TTC6: variants seen among roughly 807,000 people sequenced by gnomAD.
TTC6 encodes the protein tetratricopeptide repeat domain 6.
In TTC6, 172 loss-of-function variants were observed where a neutral mutation model predicts 210.4. The observed-to-expected ratio is 0.82, with a 90% CI of 0.72 to 0.93. TTC6 has a LOEUF of 0.93. TTC6 is among the 40% of genes least tolerant of loss of function. The pLI is 0.00. For synonymous variants in TTC6, 804 were observed against 819.6 expected (o/e 0.98, Z 0.32); for missense variants, 2,414 against 2,318.1 (o/e 1.04, Z -0.85).
chr14:37,722,824 T>C (rs867683602), intron 6 of TTC6, among the ~76,000 whole-genome samples: 109 of 152,286 alleles, frequency 7.2e-4, no homozygotes, highest in African/African-American at 2.5e-3. Context: ...TGTCTTTTTT[T>C]CCCCTTTCCA....
At chr14:37,682,707 A>T in intron 2 of TTC6, 51 bp from the exon 5 acceptor site, 8 of 1,471,448 alleles carry the variant, frequency 5.4e-6, no homozygotes, top group Non-Finnish European at 7.3e-6. Context: ...TGAAAAGCCT[A>T]GAAGGACCAA....
intron 21 of TTC6, among the ~76,000 whole-genome samples, chr14:37,805,703 T>G (rs1566965466): frequency 6.6e-6 from 1 of 152,034 alleles, no homozygotes; most frequent in African/African-American, 2.4e-5. Flanking sequence ...TTTTGTTTGT[T>G]TGTTTGTTTG....
intron 2 of TTC6, among the ~76,000 whole-genome samples, chr14:37,608,635 T>C (rs916128255): frequency 5.3e-5 from 8 of 152,186 alleles, no homozygotes; most frequent in African/African-American, 1.9e-4. Context: ...TCAAAATCTT[T>C]CATCCAATTG....
chr14:37,625,572 G>A (rs1334471129), intron 1 of TTC6, among the ~76,000 whole-genome samples: 1 of 151,206 alleles, frequency 6.6e-6, no homozygotes, highest in African/African-American at 2.4e-5. Flanking sequence ...AAGAATGTAA[G>A]TATGCAAGTA....
intron 3 of TTC6, among the ~76,000 whole-genome samples, chr14:37,687,573 C>T (rs1773436609): frequency 6.6e-6 from 1 of 152,146 alleles, no homozygotes; most frequent in African/African-American, 2.4e-5. Flanking sequence ...AAAGCGACTC[C>T]TTCCTTTTGC....
chr14:37,778,957 CTG>C (rs1358226352), intron 14 of TTC6, among the ~76,000 whole-genome samples: 2 of 152,180 alleles, frequency 1.3e-5, no homozygotes, highest in Admixed American at 1.3e-4. Flanking sequence ...GTATCCCTGA[CTG>C]TGCTTCATTG....
At chr14:37,706,267 T>C (rs1417985055) in intron 5 of TTC6, among the ~76,000 whole-genome samples, 1 of 152,070 alleles carries the variant, frequency 6.6e-6, no homozygotes, top group East Asian at 1.9e-4. Context: ...ACACAGTTGA[T>C]CACTTACTTT....
chr14:37,626,889 C>G (rs2095661338), intron 1 of TTC6, among the ~76,000 whole-genome samples: 1 of 152,170 alleles, frequency 6.6e-6, no homozygotes, highest in Non-Finnish European at 1.5e-5. Flanking sequence ...CCCCACCACT[C>G]AAGGCTGAAT....
chr14:37,604,087 C>T (rs1030538412), intron 1 of TTC6, among the ~76,000 whole-genome samples: 5 of 152,198 alleles, frequency 3.3e-5, no homozygotes, highest in Non-Finnish European at 7.3e-5. Context: ...CTGTGCTTTG[C>T]CTTCTAGATC....
At chr14:37,755,794 C>T (rs1413645473) in intron 14 of TTC6, among the ~76,000 whole-genome samples, 1 of 152,110 alleles carries the variant, frequency 6.6e-6, no homozygotes, top group Non-Finnish European at 1.5e-5. Context: ...TGTGATGCTT[C>T]CAGCTTTGTT....
chr14:37,734,137 T>G (rs1330221003), intron 7 of TTC6, among the ~76,000 whole-genome samples: 4 of 152,180 alleles, frequency 2.6e-5, no homozygotes, highest in African/African-American at 9.7e-5. Flanking sequence ...TGTTAGAAAC[T>G]GGGGTCTTTA....
intron 6 of TTC6, among the ~76,000 whole-genome samples, chr14:37,724,269 AG>A (rs2095867329): frequency 6.6e-6 from 1 of 152,016 alleles, no homozygotes; most frequent in Non-Finnish European, 1.5e-5. Flanking sequence ...CCAGTCCATG[AG>A]TTTATACTTT....
At chr14:37,823,721 G>A (rs373231399) in intron 26 of TTC6, 26 bp from the exon 29 acceptor site, 7 of 1,588,128 alleles carry the variant, frequency 4.4e-6, no homozygotes, top group African/African-American at 4.0e-5. Flanking sequence ...TCACCAGAAG[G>A]CATCAATATT....
At chr14:37,745,763 A>G (rs1199314944) in intron 10 of TTC6, among the ~76,000 whole-genome samples, 1 of 152,146 alleles carries the variant, frequency 6.6e-6, no homozygotes, top group East Asian at 1.9e-4. Flanking sequence ...AGGTTTGAGT[A>G]TTCCCCTTTC....
At chr14:37,683,085 T>G in intron 3 of TTC6, 121 bp downstream of exon 5, 1 of 809,910 alleles carries the variant, frequency 1.2e-6, no homozygotes, top group Non-Finnish European at 1.9e-6. Context: ...GATGGTGTGT[T>G]CACTCTGAAA....
intron 20 of TTC6, among the ~76,000 whole-genome samples, chr14:37,799,586 G>C (rs954086692): frequency 6.6e-6 from 1 of 152,156 alleles, no homozygotes; most frequent in Middle Eastern, 3.4e-3. Context: ...ATTATATTAG[G>C]TTATGTAGTA....
At chr14:37,837,252 G>C (rs1406924672) in intron 29 of TTC6, 1 of 329,860 alleles carries the variant, frequency 3.0e-6, no homozygotes, top group African/African-American at 2.2e-5. Context: ...GGTATGCCTT[G>C]TGATGTATAA....
At chr14:37,840,777 C>T (rs750738746) in intron 29 of TTC6, among the ~76,000 whole-genome samples, 4 of 152,052 alleles carry the variant, frequency 2.6e-5, no homozygotes, top group Non-Finnish European at 4.4e-5. Flanking sequence ...TGTATTTTAT[C>T]CTGTTGTTGT....
In TTC6 at chr14:37,674,207, T is replaced by C. The variant is rs182389041; in HGVS notation, c.940-5944T>C. 8.9e-4 allele frequency among the ~76,000 whole-genome samples: 135 copies of C among 152,222 alleles called. 1 individual carries two copies. Among genetic ancestry groups the C allele is most frequent in the African/African-American group, 3.2e-3 (134 of 41,556 alleles). On this transcript the variant is annotated intron_variant, in intron 1 of 30. Transcript: ENST00000553443. The stretch of plus-strand genomic sequence containing the variant: ...TGTTACCTTCATGATTTTGTTCCTT[T>C]TCTCATTTTCTAAATTTCTGAATTT...
Sources: allele counts gnomAD v4.1 joint callset (sites outside exome capture counted in the v4.1 genomes callset), GRCh38; gene constraint gnomAD v4.1.1; transcripts MANE v1.5; gene names NCBI Gene and HGNC (gene_info 2026-07-23, HGNC 2026-07-21).